The following PCDHA2 variants were observed in gnomAD, a reference collection of about 807,000 sequenced individuals.
PCDHA2 encodes protocadherin alpha 2.
A neutral mutation model predicts 66.0 loss-of-function variants in PCDHA2; 58 were observed. That is an observed-to-expected ratio of 0.88 (90% CI 0.71 to 1.09). The LOEUF (loss-of-function observed/expected upper bound fraction) is 1.09, where lower values mean the gene tolerates loss of function less well. Among genes scored for constraint, PCDHA2 ranks in the 50% least tolerant of loss-of-function variants. The pLI, the probability that PCDHA2 is intolerant of heterozygous loss-of-function variation, is 0.00. For missense variants in PCDHA2, 1,267 were observed against 1,242.3 expected, an observed-to-expected ratio of 1.02 and a Z score of -0.30; for synonymous variants, 634 against 554.0, an observed-to-expected ratio of 1.14 and a Z score of -2.03.
chr5:140,901,658 G>T (rs1554189962), intron 1 of PCDHA2, among the ~76,000 whole-genome samples: 1 of 151,936 alleles, frequency 6.6e-6, no homozygotes, highest in Admixed American at 6.6e-5. Flanking sequence ...TGTTCTTTTT[G>T]CTCAAGATAC....
chr5:140,820,280 A>T (rs188289585), intron 1 of PCDHA2, among the ~76,000 whole-genome samples: 5 of 152,118 alleles, frequency 3.3e-5, no homozygotes, highest in African/African-American at 1.2e-4. Flanking sequence ...ATCTTTAAAG[A>T]TTGTATCAGA....
At chr5:140,809,086 A>G in intron 1 of PCDHA2, 3 of 1,613,938 alleles carry the variant, frequency 1.9e-6, no homozygotes, top group South Asian at 2.2e-5. Flanking sequence ...AGATCAGCAC[A>G]ACGCGTGCCC....
chr5:140,941,286 CTCTT>C (rs5871754), intron 1 of PCDHA2, among the ~76,000 whole-genome samples: 36,780 of 106,460 alleles, frequency 0.35, 6,423 homozygotes, highest in East Asian at 0.56. Flanking sequence ...TCCTTCCTTT[CTCTT>C]TCTTTCTTTC....
At chr5:140,831,140 A>G (rs1327824890) in intron 1 of PCDHA2, 1 of 152,182 alleles carries the variant, frequency 6.6e-6, no homozygotes, top group African/African-American at 2.4e-5. Flanking sequence ...TTATTGATTT[A>G]TTTACTACCG....
intron 3 of PCDHA2, among the ~76,000 whole-genome samples, chr5:141,000,512 CCTT>C (rs1340468179): frequency 2.1e-5 from 3 of 144,282 alleles, no homozygotes; most frequent in Non-Finnish European, 4.5e-5. Context: ...ACTGCAACCT[CCTT>C]CTCCAGGGTT....
chr5:140,983,059 C>A (rs1325414567), intron 3 of PCDHA2, among the ~76,000 whole-genome samples: 3 of 151,980 alleles, frequency 2.0e-5, no homozygotes, highest in Non-Finnish European at 4.4e-5. Flanking sequence ...TTATCGGAAC[C>A]AAGGCATTGT....
chr5:140,927,755 C>G (rs1388061408), intron 1 of PCDHA2: 6 of 1,614,196 alleles, frequency 3.7e-6, no homozygotes, highest in Non-Finnish European at 5.1e-6. Flanking sequence ...CACGTGCACC[C>G]TAAAAGTGGG....
intron 1 of PCDHA2, chr5:140,869,810 A>G: frequency 6.2e-7 from 1 of 1,612,624 alleles, no homozygotes; most frequent in South Asian, 1.1e-5. Context: ...TTGGATGTCA[A>G]CGACAATGAT....
Position 140,929,116 on chromosome 5 carries a change from A to G in PCDHA2, c.2389-49833A>G, listed in dbSNP as rs535394812. The G allele has an allele frequency of 2.9e-5, 47 of 1,614,170 alleles. No homozygotes were observed. The East Asian group carries it at 8.9e-4, about 31-fold the overall frequency. Reference sequence around the variant, plus strand: ...AAATCCTTGCATGACATCAGCCACCATAGATGTCACTACAGTTGAGAGACT... The same window carrying G: ...AAATCCTTGCATGACATCAGCCACCGTAGATGTCACTACAGTTGAGAGACT... On this transcript the variant is annotated intron_variant, in intron 1 of 3. Coordinates refer to ENST00000526136, the MANE Select transcript of PCDHA2 (RefSeq NM_018905.3).
At chr5:140,893,763 TG>T (rs1554185760) in intron 1 of PCDHA2, among the ~76,000 whole-genome samples, 1 of 152,156 alleles carries the variant, frequency 6.6e-6, no homozygotes, top group African/African-American at 2.4e-5. Flanking sequence ...ATAGGTGACT[TG>T]TCACTTTTCT....
At chr5:140,803,325 C>G in intron 1 of PCDHA2, 1 of 1,614,176 alleles carries the variant, frequency 6.2e-7, no homozygotes, top group South Asian at 1.1e-5. Flanking sequence ...GGTGTCCAGT[C>G]TGTTGGTGCT....
chr5:140,986,173 C>G (rs1459755039), intron 3 of PCDHA2, among the ~76,000 whole-genome samples: 1 of 152,202 alleles, frequency 6.6e-6, no homozygotes, highest in Non-Finnish European at 1.5e-5. Flanking sequence ...GCAGGATAAA[C>G]AAGTCAGGCA....
chr5:140,852,115 C>A, intron 1 of PCDHA2: 1 of 906,762 alleles, frequency 1.1e-6, no homozygotes, highest in Non-Finnish European at 1.3e-6. Context: ...CAAGGTATGA[C>A]CTAATTAAAA....
intron 1 of PCDHA2, among the ~76,000 whole-genome samples, chr5:140,954,014 A>G (rs782347890): frequency 1.3e-5 from 2 of 152,038 alleles, no homozygotes; most frequent in African/African-American, 4.8e-5. Context: ...CAGCTCCCAC[A>G]CATAGTGGGA....
intron 1 of PCDHA2, among the ~76,000 whole-genome samples, chr5:140,908,124 C>A (rs782391085): frequency 6.6e-6 from 1 of 152,234 alleles, no homozygotes; most frequent in Non-Finnish European, 1.5e-5. Flanking sequence ...GATTTCCCTT[C>A]ACTGCTGTCC....
intron 1 of PCDHA2, chr5:140,849,056 G>T: frequency 6.4e-7 from 1 of 1,554,944 alleles, no homozygotes; most frequent in South Asian, 1.1e-5. Context: ...CCAGCAACCA[G>T]CAGGTAAAAC....
At chr5:140,943,316 A>G (rs1326467105) in intron 1 of PCDHA2, among the ~76,000 whole-genome samples, 3 of 151,868 alleles carry the variant, frequency 2.0e-5, no homozygotes, top group African/African-American at 4.8e-5. Context: ...ATTATTAGCA[A>G]TATTGTGTAG....
chr5:140,882,777 A>G (rs2059309071), intron 1 of PCDHA2: 1 of 1,614,096 alleles, frequency 6.2e-7, no homozygotes, highest in Non-Finnish European at 8.5e-7. Context: ...GCATTGACCT[A>G]CCGACTGGAT....
In PCDHA2 at chr5:140,795,391, C is replaced by T. The variant is rs1562152745; in HGVS notation, c.427C>T (p.Pro143Ser). The change falls in exon 1 of 4, where the codon CCC (proline) becomes TCC (serine). Residue 143 changes from proline to serine, a missense_variant. Coordinates refer to ENST00000526136, the MANE Select transcript of PCDHA2 (RefSeq NM_018905.3). ...AATGACAGTAAAGACTATCCGGTTT[C>T]CCGAATCAAGGCTGCTTGATTCTCG... is the stretch of plus-strand genomic sequence containing the variant. Reference protein sequence around the residue: ...FPMTVKTIRFPESRLLDSRFP... With the variant: ...FPMTVKTIRFSESRLLDSRFP... 7 of 1,614,162 alleles carry T rather than the reference C, an allele frequency of 4.3e-6. No individual in the cohort carries two copies. The highest frequency in any genetic ancestry group is 5.9e-6 in the Non-Finnish European group (7 of 1,180,034).
Sources: allele counts gnomAD v4.1 joint callset (sites outside exome capture counted in the v4.1 genomes callset), GRCh38; gene constraint gnomAD v4.1.1; transcripts MANE v1.5; gene names NCBI Gene and HGNC (gene_info 2026-07-23, HGNC 2026-07-21).